Variants in SUPT3H observed in about 807,000 individuals in gnomAD.
SUPT3H encodes the protein transcription initiation protein SPT3 homolog.
A neutral mutation model predicts 44.3 loss-of-function variants in SUPT3H; 44 were observed. The ratio of observed to expected loss-of-function variants is 0.99; its 90% CI spans 0.78 to 1.28. The LOEUF (loss-of-function observed/expected upper bound fraction) is 1.28. Ranked by LOEUF, SUPT3H falls within the 50% of genes most tolerant of loss-of-function variation. The probability of loss-of-function intolerance (pLI) is 0.00; values close to 1 mark genes in which losing one functional copy is unlikely to be tolerated. For missense variants in SUPT3H, 380 were observed against 387.1 expected (o/e 0.98, Z 0.15); for synonymous variants, 124 against 125.6 (o/e 0.99, Z 0.09).
intron 2 of SUPT3H, among the ~76,000 whole-genome samples, chr6:45,305,470 T>C (rs1782850022): frequency 6.6e-6 from 1 of 152,222 alleles, no homozygotes; most frequent in South Asian, 2.1e-4. Flanking sequence ...TGACAAAATG[T>C]TCCTTCCACC....
intron 2 of SUPT3H, among the ~76,000 whole-genome samples, chr6:45,230,618 T>C (rs1767786486): frequency 7.1e-6 from 1 of 140,046 alleles, no homozygotes; most frequent in African/African-American, 2.6e-5. Flanking sequence ...AGTACACTTC[T>C]GGTAGTAAAC....
intron 3 of SUPT3H, among the ~76,000 whole-genome samples, chr6:45,094,068 T>C (rs1369732530): frequency 2.0e-5 from 3 of 152,276 alleles, no homozygotes. Context: ...CCTATCTCTA[T>C]TAAGACATGC....
chr6:45,196,467 A>T (rs1016917913), intron 2 of SUPT3H, among the ~76,000 whole-genome samples: 1 of 152,022 alleles, frequency 6.6e-6, no homozygotes, highest in Non-Finnish European at 1.5e-5. Flanking sequence ...AATTAGGAAG[A>T]TCTCTACCAG....
intron 2 of SUPT3H, among the ~76,000 whole-genome samples, chr6:45,150,492 AT>A (rs1806756092): frequency 6.6e-6 from 1 of 152,106 alleles, no homozygotes; most frequent in African/African-American, 2.4e-5. Flanking sequence ...AAAATGAGAT[AT>A]TTTTCTCTAA....
At chr6:45,163,309 T>A (rs1327149225) in intron 2 of SUPT3H, among the ~76,000 whole-genome samples, 1 of 152,156 alleles carries the variant, frequency 6.6e-6, no homozygotes, top group Non-Finnish European at 1.5e-5. Context: ...AGAAATGCAC[T>A]ACAATACCGC....
chr6:45,124,273 A>T (rs914194338), intron 2 of SUPT3H, among the ~76,000 whole-genome samples: 1 of 152,082 alleles, frequency 6.6e-6, no homozygotes, highest in Admixed American at 6.6e-5. Context: ...GTTAAAAAAA[A>T]ACACTAATTT....
intron 10 of SUPT3H, among the ~76,000 whole-genome samples, chr6:44,897,870 T>C (rs1292886611): frequency 6.6e-6 from 1 of 152,206 alleles, no homozygotes; most frequent in Non-Finnish European, 1.5e-5. Flanking sequence ...TCATCTACTA[T>C]CGTCCTGTCA....
chr6:45,239,519 T>C (rs914877558), intron 2 of SUPT3H, among the ~76,000 whole-genome samples: 13 of 152,372 alleles, frequency 8.5e-5, no homozygotes, highest in African/African-American at 3.1e-4. Context: ...CCTCGAGGAC[T>C]GGAATCTAAT....
At chr6:45,192,184 C>T (rs889600390) in intron 2 of SUPT3H, among the ~76,000 whole-genome samples, 1 of 152,044 alleles carries the variant, frequency 6.6e-6, no homozygotes, top group African/African-American at 2.4e-5. Flanking sequence ...CTTTTACAGG[C>T]AGTTAACTGA....
At chr6:44,907,544 G>A (rs1454366985) in intron 10 of SUPT3H, among the ~76,000 whole-genome samples, 2 of 152,212 alleles carry the variant, frequency 1.3e-5, no homozygotes, top group East Asian at 3.9e-4. Context: ...CAGGCATGGT[G>A]GTACACAACT....
chr6:45,281,247 G>T (rs1043467776), intron 2 of SUPT3H, among the ~76,000 whole-genome samples: 1 of 152,210 alleles, frequency 6.6e-6, no homozygotes, highest in Non-Finnish European at 1.5e-5. Flanking sequence ...AGTGGGGACA[G>T]GACAGTGGGT....
intron 3 of SUPT3H, among the ~76,000 whole-genome samples, chr6:45,042,372 G>A (rs1466651387): frequency 1.3e-5 from 2 of 152,124 alleles, no homozygotes; most frequent in African/African-American, 2.4e-5. Context: ...GCAGTGAGCC[G>A]ACATCATGGC....
intron 10 of SUPT3H, among the ~76,000 whole-genome samples, chr6:44,870,695 G>A (rs1007991705): frequency 2.6e-5 from 4 of 151,686 alleles, no homozygotes; most frequent in African/African-American, 7.2e-5. Flanking sequence ...CAGCATGAGC[G>A]ACGCAGAAGA....
intron 10 of SUPT3H, among the ~76,000 whole-genome samples, chr6:44,907,172 A>G (rs771596002): frequency 1.4e-4 from 22 of 152,360 alleles, no homozygotes; most frequent in South Asian, 4.1e-4. Flanking sequence ...ATGAATGCAG[A>G]GATTAGACAG....
intron 2 of SUPT3H, among the ~76,000 whole-genome samples, chr6:45,309,927 G>T (rs1783688273): frequency 6.6e-6 from 1 of 152,038 alleles, no homozygotes; most frequent in Non-Finnish European, 1.5e-5. Context: ...CTGATCAACT[G>T]CAGGAACAAA....
intron 2 of SUPT3H, among the ~76,000 whole-genome samples, chr6:45,142,349 A>T (rs1312440712): frequency 6.6e-6 from 1 of 152,148 alleles, no homozygotes; most frequent in Non-Finnish European, 1.5e-5. Flanking sequence ...AAAGAAAAAC[A>T]AGGTATTTAG....
intron 2 of SUPT3H, chr6:45,159,174 T>G (rs1306475744): frequency 1.3e-5 from 2 of 152,202 alleles, no homozygotes; most frequent in Non-Finnish European, 2.9e-5. Context: ...CCTATTGAAC[T>G]GACCAGATTT....
At chr6:44,891,652 G>A (rs1763338062) in intron 10 of SUPT3H, among the ~76,000 whole-genome samples, 2 of 152,026 alleles carry the variant, frequency 1.3e-5, no homozygotes, top group African/African-American at 4.8e-5. Context: ...TGTTTGGGAT[G>A]ATAAAATATT....
intron 2 of SUPT3H, among the ~76,000 whole-genome samples, chr6:45,156,784 AT>A (rs1044762559): frequency 1.3e-5 from 2 of 151,604 alleles, no homozygotes; most frequent in African/African-American, 2.4e-5. Flanking sequence ...GAAGTTTTTG[AT>A]TTTTTTATCA....
Sources: gnomAD v4.1 joint callset for allele counts (sites outside exome capture counted in the v4.1 genomes callset) on GRCh38, gnomAD v4.1.1 for gene constraint, MANE v1.5 for transcripts, NCBI Gene and HGNC (gene_info 2026-07-23, HGNC 2026-07-21) for gene names.